Variants in NLGN1 observed in about 807,000 individuals in gnomAD.
NLGN1 encodes the protein neuroligin-1.
NLGN1 carries 12 observed loss-of-function variants against 65.5 expected under a neutral mutation model. The observed-to-expected ratio is 0.18, with a 90% CI of 0.12 to 0.30. NLGN1 has a LOEUF of 0.30. Ranked by LOEUF, NLGN1 falls within the 10% of genes least tolerant of loss-of-function variation. The pLI, the probability that NLGN1 is intolerant of heterozygous loss-of-function variation, is 1.00. For synonymous variants in NLGN1, 350 were observed against 359.5 expected, an observed-to-expected ratio of 0.97 and a Z score of 0.30; for missense variants, 750 against 1,007.1, an observed-to-expected ratio of 0.74 and a Z score of 3.46.
intron 4 of NLGN1, among the ~76,000 whole-genome samples, chr3:174,052,388 A>AT (rs1028713573): frequency 3.3e-5 from 5 of 151,690 alleles, no homozygotes; most frequent in Non-Finnish European, 5.9e-5. Flanking sequence ...AAGATTATTG[A>AT]TTTTTTTTCA....
rs530707430 is a variant in NLGN1, at chr3:174,217,360, G to T, written c.647-57955G>T. 2.6e-5 allele frequency among the ~76,000 whole-genome samples: 4 copies of T among 152,222 alleles called. No individual in the cohort carries two copies. The East Asian group carries it at 7.7e-4, about 29-fold the overall frequency. On this transcript the variant is annotated intron_variant, in intron 4 of 6. Coordinates refer to ENST00000457714, the Ensembl canonical transcript of NLGN1. ...AAAACATAATCTACAGTAATGGGCT[G>T]TCCTAGTCAGCCAGCCTGCCCTGAC...
At chr3:173,658,272 A>AT (rs903386236) in intron 3 of NLGN1, among the ~76,000 whole-genome samples, 1 of 151,942 alleles carries the variant, frequency 6.6e-6, no homozygotes, top group African/African-American at 2.4e-5. Context: ...CAGGTATGTG[A>AT]TTAGGAAGCT....
intron 3 of NLGN1, among the ~76,000 whole-genome samples, chr3:173,648,275 T>G (rs923095835): frequency 6.6e-6 from 1 of 152,114 alleles, no homozygotes; most frequent in South Asian, 2.1e-4. Context: ...ATACCCAAAA[T>G]GTATAACAAA....
At position 173,751,365 on chromosome 3, in the gene NLGN1, CGTAACTT is replaced by C. The variant is rs368589364; in HGVS notation, c.494-56312_494-56306del. ...TATTTAATATATAAAGATATATAGC[CGTAACTT>C]GTTGATTTAATCTAACATTGATTAA... On this transcript the variant is annotated intron_variant, in intron 3 of 6. Coordinates refer to ENST00000457714, the Ensembl canonical transcript of NLGN1. Among the ~76,000 whole-genome samples the C allele has an allele frequency of 4.9e-3, 747 of 152,064 alleles. 1 individual carries two copies. The highest frequency in any genetic ancestry group is 8.1e-3 in the Admixed American group (123 of 15,236).
chr3:173,562,722 C>T (rs950014613), intron 2 of NLGN1, among the ~76,000 whole-genome samples: 1 of 152,130 alleles, frequency 6.6e-6, no homozygotes, highest in African/African-American at 2.4e-5. Context: ...ATTTAAGATA[C>T]AACATTCAAC....
rs142247353 is a variant in NLGN1, at chr3:173,713,091, G to A, written c.494-94589G>A. Among the ~76,000 whole-genome samples, 393 of 152,154 alleles carry A rather than the reference G, an allele frequency of 2.6e-3. 2 individuals carry two copies. The highest frequency in any genetic ancestry group is 9.0e-3 in the African/African-American group (373 of 41,534). Reference sequence around the variant, plus strand: ...ATAAACTATTACTTTAAACAAGGTTGCATTTTTATAATTCTGGGCAGACAT... The same window carrying A: ...ATAAACTATTACTTTAAACAAGGTTACATTTTTATAATTCTGGGCAGACAT... On this transcript the variant is annotated intron_variant, in intron 3 of 6. Coordinates refer to ENST00000457714, the Ensembl canonical transcript of NLGN1.
At chr3:174,256,755 T>G (rs1745847836) in intron 4 of NLGN1, among the ~76,000 whole-genome samples, 1 of 152,116 alleles carries the variant, frequency 6.6e-6, no homozygotes, top group Non-Finnish European at 1.5e-5. Context: ...TATGCAAAAG[T>G]CAATTCAAGA....
intron 3 of NLGN1, among the ~76,000 whole-genome samples, chr3:173,672,046 T>A (rs1762522306): frequency 6.6e-6 from 1 of 152,058 alleles, no homozygotes; most frequent in African/African-American, 2.4e-5. Flanking sequence ...TGGTGGCAGA[T>A]GCCTGTAGTC....
chr3:173,581,400 T>G (rs1401164209), intron 2 of NLGN1, among the ~76,000 whole-genome samples: 1 of 152,072 alleles, frequency 6.6e-6, no homozygotes, highest in African/African-American at 2.4e-5. Context: ...TAATTTCAGC[T>G]TATGGCTACT....
chr3:173,573,392 C>T (rs189507505), intron 2 of NLGN1, among the ~76,000 whole-genome samples: 3 of 151,964 alleles, frequency 2.0e-5, no homozygotes, highest in Admixed American at 2.0e-4. Flanking sequence ...AGTGTGCATG[C>T]CTTCAAGTCA....
At chr3:174,017,571 C>T (rs1023610882) in intron 4 of NLGN1, among the ~76,000 whole-genome samples, 3 of 152,074 alleles carry the variant, frequency 2.0e-5, no homozygotes, top group African/African-American at 7.2e-5. Context: ...TTTTCGATTT[C>T]CCTAAGTGTC....
intron 4 of NLGN1, among the ~76,000 whole-genome samples, chr3:174,097,198 C>G (rs879399721): frequency 4.6e-5 from 7 of 152,038 alleles, no homozygotes; most frequent in Non-Finnish European, 7.4e-5. Context: ...TATTTCTGTT[C>G]ATGGCAAAGA....
intron 2 of NLGN1, among the ~76,000 whole-genome samples, chr3:173,488,519 G>C (rs1042307319): frequency 2.0e-5 from 3 of 151,950 alleles, no homozygotes; most frequent in Non-Finnish European, 4.4e-5. Flanking sequence ...CTTTATTTCA[G>C]TCTTAGTTTT....
chr3:173,648,591 T>C (rs1223010672), intron 3 of NLGN1, among the ~76,000 whole-genome samples: 1 of 152,124 alleles, frequency 6.6e-6, no homozygotes, highest in Non-Finnish European at 1.5e-5. Context: ...TTCTTTTTTT[T>C]TTAGACAAAG....
intron 4 of NLGN1, among the ~76,000 whole-genome samples, chr3:174,136,196 A>G (rs780719084): frequency 3.3e-5 from 5 of 152,168 alleles, no homozygotes; most frequent in Admixed American, 6.5e-5. Flanking sequence ...CCAAAAATAC[A>G]TATCTGATAT....
chr3:173,837,464 A>T (rs1462169918), intron 4 of NLGN1, among the ~76,000 whole-genome samples: 1 of 152,158 alleles, frequency 6.6e-6, no homozygotes, highest in African/African-American at 2.4e-5. Context: ...TTTTAATAGC[A>T]TGTCTATTAT....
At chr3:173,479,632 C>A (rs1169876077) in intron 2 of NLGN1, among the ~76,000 whole-genome samples, 1 of 152,100 alleles carries the variant, frequency 6.6e-6, no homozygotes, top group African/African-American at 2.4e-5. Flanking sequence ...GCATGACCTT[C>A]ATTGGCCATG....
At chr3:174,219,875 A>G (rs1271511400) in intron 4 of NLGN1, among the ~76,000 whole-genome samples, 1 of 152,176 alleles carries the variant, frequency 6.6e-6, no homozygotes, top group East Asian at 1.9e-4. Flanking sequence ...AAAATAAGCA[A>G]GATTGCGGGC....
rs1743739302 is a variant in NLGN1, at chr3:173,566,728, G to A, written c.-320-37551G>A. 3.3e-5 allele frequency among the ~76,000 whole-genome samples: 5 copies of A among 151,886 alleles called. No homozygotes were observed. The South Asian group carries it at 1.0e-3, about 31-fold the overall frequency. On this transcript the variant is annotated intron_variant, in intron 2 of 6. Coordinates refer to ENST00000457714, the Ensembl canonical transcript of NLGN1. Reference sequence around the variant, plus strand: ...TGTTGACTCATACATATTTATTTTTGTGTACATCTTCACTCTTAAGACTGA... The same window carrying A: ...TGTTGACTCATACATATTTATTTTTATGTACATCTTCACTCTTAAGACTGA...
Sources: allele counts gnomAD v4.1 joint callset (sites outside exome capture counted in the v4.1 genomes callset), GRCh38; gene constraint gnomAD v4.1.1; transcripts MANE v1.5; gene names NCBI Gene and HGNC (gene_info 2026-07-23, HGNC 2026-07-21).